Variants in ASTN2 observed in about 807,000 individuals in gnomAD.
The protein encoded by ASTN2 is astrotactin-2.
A neutral mutation model predicts 139.8 loss-of-function variants in ASTN2; 54 were observed. The ratio of observed to expected loss-of-function variants is 0.39; its 90% CI spans 0.31 to 0.48. ASTN2 has a LOEUF of 0.48. ASTN2 is among the 20% of genes least tolerant of loss of function. ASTN2 has a pLI of 0.95. For missense variants in ASTN2, 1,565 were observed against 1,725.1 expected (o/e 0.91, Z 1.64); for synonymous variants, 756 against 719.5 (o/e 1.05, Z -0.81).
At chr9:116,986,445 A>G (rs1350638100) in intron 7 of ASTN2, among the ~76,000 whole-genome samples, 1 of 152,178 alleles carries the variant, frequency 6.6e-6, no homozygotes, top group East Asian at 1.9e-4. Context: ...AGGAAAATAC[A>G]TCACTGCACA....
intron 1 of ASTN2, among the ~76,000 whole-genome samples, chr9:117,395,574 G>T (rs1830655378): frequency 6.6e-6 from 1 of 152,196 alleles, no homozygotes; most frequent in Non-Finnish European, 1.5e-5. Flanking sequence ...CTCAAGGCTG[G>T]TGTTCTGAGT....
At chr9:116,758,267 G>A (rs567227741) in intron 13 of ASTN2, among the ~76,000 whole-genome samples, 16 of 152,264 alleles carry the variant, frequency 1.1e-4, no homozygotes, top group South Asian at 4.2e-4. Context: ...AAAAGGCCTC[G>A]CACAAAGAAT....
In ASTN2 at chr9:116,974,327, T is replaced by C. The variant is rs186110478; in HGVS notation, c.1889+881A>G. ...AGGAGCTGGGGATTAAAAAGCTAAA[T>C]AAGTTATTTTCCTTGACCTTGAGAA... On this transcript the variant is annotated intron_variant, in intron 10 of 22. Coordinates refer to ENST00000313400, the MANE Select transcript of ASTN2 (RefSeq NM_001365068.1). Among the ~76,000 whole-genome samples, 13 of 152,194 alleles carry C rather than the reference T, an allele frequency of 8.5e-5. No homozygotes were observed. In the East Asian group the frequency reaches 2.5e-3, roughly 29 times the overall value.
At chr9:117,225,328 C>T (rs1038073625) in intron 2 of ASTN2, among the ~76,000 whole-genome samples, 2 of 151,378 alleles carry the variant, frequency 1.3e-5, no homozygotes, top group African/African-American at 4.9e-5. Flanking sequence ...CAAGTTCTGT[C>T]GCAAATCCCA....
chr9:116,582,542 C>T (rs768826875), intron 19 of ASTN2: 2 of 152,226 alleles, frequency 1.3e-5, no homozygotes, highest in Non-Finnish European at 2.9e-5. Flanking sequence ...AAACTAACTC[C>T]AAGCCTGTGC....
At chr9:116,495,715 C>T (rs1259915303) in intron 19 of ASTN2, among the ~76,000 whole-genome samples, 1 of 152,124 alleles carries the variant, frequency 6.6e-6, no homozygotes, top group African/African-American at 2.4e-5. Context: ...AAGTCATACT[C>T]CATCTAAATA....
At chr9:116,617,161 T>G (rs1479338946) in intron 19 of ASTN2, among the ~76,000 whole-genome samples, 1 of 152,210 alleles carries the variant, frequency 6.6e-6, no homozygotes, top group African/African-American at 2.4e-5. Flanking sequence ...TAATCTGGGC[T>G]TTTCTTTTTC....
intron 10 of ASTN2, among the ~76,000 whole-genome samples, chr9:116,897,786 A>G (rs896785713): frequency 1.3e-5 from 2 of 152,082 alleles, no homozygotes; most frequent in African/African-American, 4.8e-5. Flanking sequence ...AGCACACATT[A>G]CAGCATTCCT....
intron 11 of ASTN2, among the ~76,000 whole-genome samples, chr9:116,844,734 T>G (rs1588346730): frequency 6.6e-6 from 1 of 152,198 alleles, no homozygotes; most frequent in South Asian, 2.1e-4. Context: ...AGTAAATATT[T>G]TTGGAATGTA....
chr9:117,279,671 G>A (rs1207048948), intron 2 of ASTN2, among the ~76,000 whole-genome samples: 1 of 152,150 alleles, frequency 6.6e-6, no homozygotes, highest in East Asian at 1.9e-4. Flanking sequence ...AAATTTAGGA[G>A]AGAGCTCTTG....
chr9:117,096,074 C>T lies in ASTN2; in HGVS notation c.1246G>A (p.Glu416Lys). 1 of 1,614,094 alleles carries T rather than the reference C, an allele frequency of 6.2e-7. No individual in the cohort carries two copies. The highest frequency in any genetic ancestry group is 8.5e-7 in the Non-Finnish European group (1 of 1,179,988). ...CTGCGGCGGCGACTGCGGTACTGCT[C>T]CGTGTAGAATGTCAGCTGAGTTTCA... ...DDETQLTFYT[E>K]QYRSRRRSKG... Residue 416 changes from glutamate to lysine, a missense_variant, in exon 5 of 23, where the codon GAG (glutamate) becomes AAG (lysine). Physicochemically the swap from Glu to Lys is moderately conservative, Grantham distance 56 (BLOSUM62 1). Around this residue, in one of 4 missense-constraint regions of ASTN2, gnomAD observed 596 missense variants for 576.8 expected, o/e 1.03. Coordinates refer to ENST00000313400, the MANE Select transcript of ASTN2 (RefSeq NM_001365068.1).
intron 20 of ASTN2, among the ~76,000 whole-genome samples, chr9:116,464,312 C>T (rs890213263): frequency 2.0e-5 from 3 of 152,046 alleles, no homozygotes; most frequent in South Asian, 2.1e-4. Context: ...CAGAGTTATG[C>T]ACTTGGTTTT....
In ASTN2 at chr9:116,620,392, C is replaced by T; in HGVS notation, c.3124G>A (p.Val1042Met). The change falls in exon 18 of 23, where the codon GTG (valine) becomes ATG (methionine). Residue 1042 changes from valine (V) to methionine (M), a missense_variant. By Grantham distance (21) the Val-to-Met change is conservative. This residue lies in a region of ASTN2 where 418 missense variants were observed against 465.8 expected (regional missense o/e 0.90). Transcript: ENST00000313400. ...SSYWCSGKGD[V>M]IDDWCRCDLS... ...TCACACCTGCACCAGTCATCGATCACATCCCCTTTCCCTGAGCACCAGTAG... is the reference window on the plus strand; with the variant it reads ...TCACACCTGCACCAGTCATCGATCATATCCCCTTTCCCTGAGCACCAGTAG... The T allele has an allele frequency of 6.2e-7, 1 of 1,614,194 alleles. No individual in the cohort carries two copies. The highest frequency in any genetic ancestry group is 1.3e-5 in the African/African-American group (1 of 75,038).
At chr9:116,574,827 G>T (rs989644693) in intron 19 of ASTN2, among the ~76,000 whole-genome samples, 4 of 152,204 alleles carry the variant, frequency 2.6e-5, no homozygotes, top group African/African-American at 9.6e-5. Context: ...CAGACCCCAT[G>T]ATGTTATTCC....
chr9:116,479,972 G>A (rs1275046845), intron 20 of ASTN2, among the ~76,000 whole-genome samples: 3 of 152,128 alleles, frequency 2.0e-5, no homozygotes, highest in Non-Finnish European at 4.4e-5. Flanking sequence ...ACCTCTCTGT[G>A]CCTTAGTTGC....
intron 10 of ASTN2, among the ~76,000 whole-genome samples, chr9:116,903,293 T>G (rs1296446480): frequency 1.3e-5 from 2 of 152,210 alleles, no homozygotes; most frequent in African/African-American, 4.8e-5. Context: ...ATCATGCTAT[T>G]TTTTGTCTTC....
intron 19 of ASTN2, among the ~76,000 whole-genome samples, chr9:116,512,953 C>T (rs1850465784): frequency 6.6e-6 from 1 of 152,068 alleles, no homozygotes; most frequent in Non-Finnish European, 1.5e-5. Flanking sequence ...ACTCTTTATC[C>T]AATTTGCCAA....
At chr9:116,675,427 T>C (rs367943829) in intron 16 of ASTN2, among the ~76,000 whole-genome samples, 1 of 152,068 alleles carries the variant, frequency 6.6e-6, no homozygotes, top group South Asian at 2.1e-4. Flanking sequence ...CACCATGGTG[T>C]GTCTGCATCT....
At chr9:116,437,664 C>T in intron 22 of ASTN2, 1 of 459,050 alleles carries the variant, frequency 2.2e-6, no homozygotes, top group Admixed American at 2.4e-5. Flanking sequence ...GTGGGAAAGC[C>T]CAAAAAACTG....
Sources: allele counts gnomAD v4.1 joint callset (sites outside exome capture counted in the v4.1 genomes callset), GRCh38; gene constraint gnomAD v4.1.1; regional missense constraint gnomAD v4.1.1; transcripts MANE v1.5; gene names NCBI Gene and HGNC (gene_info 2026-07-23, HGNC 2026-07-21).